Variants in NDUFAF2 observed in about 807,000 individuals in gnomAD.
NDUFAF2 encodes NADH:ubiquinone oxidoreductase complex assembly factor 2, also known as NADH dehydrogenase [ubiquinone] 1 alpha subcomplex assembly factor 2.
NDUFAF2 carries 13 observed loss-of-function variants against 22.8 expected under a neutral mutation model. That is an observed-to-expected ratio of 0.57 (90% confidence interval 0.37 to 0.91). The LOEUF is 0.91. Among genes scored for constraint, NDUFAF2 ranks in the 40% least tolerant of loss-of-function variants. The probability of loss-of-function intolerance (pLI) is 0.01; values close to 1 mark genes in which losing one functional copy is unlikely to be tolerated. For synonymous variants in NDUFAF2, 53 were observed against 64.2 expected, an observed-to-expected ratio of 0.83 and a Z score of 0.84; for missense variants, 162 against 195.2, an observed-to-expected ratio of 0.83 and a Z score of 1.01.
Position 61,075,510 on chromosome 5 carries a change from T to A in NDUFAF2, c.217+2296T>A, listed in dbSNP as rs77015713. Among the ~76,000 whole-genome samples, 1,330 of 152,214 alleles carry A rather than the reference T, an allele frequency of 8.7e-3. 22 individuals are homozygous for A. Among genetic ancestry groups the A allele is most frequent in the African/African-American group, 0.031 (1,275 of 41,532 alleles). On this transcript the variant is annotated intron_variant, in intron 2 of 3. Coordinates refer to ENST00000296597, the MANE Select transcript of NDUFAF2 (RefSeq NM_174889.5). Reference sequence around the variant, plus strand: ...AATGCGTGCACCTTCTTAGAATGAGTTTGTTTTTATCATTTTTTCCAATAA... The same window carrying A: ...AATGCGTGCACCTTCTTAGAATGAGATTGTTTTTATCATTTTTTCCAATAA...
rs70977822 is a variant in NDUFAF2, at chr5:61,049,886, TACACACAC to T, written c.128-23215_128-23208del. On this transcript the variant is annotated intron_variant, in intron 1 of 3. Coordinates refer to ENST00000296597, the MANE Select transcript of NDUFAF2 (RefSeq NM_174889.5). ...TACACAAATTATGCAATTTAAATTA[TACACACAC>T]ACACACACACACACACACACACAGT... is the stretch of plus-strand genomic sequence containing the variant. 1.3e-3 allele frequency among the ~76,000 whole-genome samples: 192 copies of T among 144,430 alleles called. 5 individuals carry two copies. Among genetic ancestry groups the T allele is most frequent in the Non-Finnish European group, 4.4e-4 (29 of 66,160 alleles). The allele number at this position is 144,430 out of a possible 152,430, so 94.8% of individuals were successfully genotyped here.
chr5:61,050,744 G>A (rs1752015037), intron 1 of NDUFAF2, among the ~76,000 whole-genome samples: 1 of 152,124 alleles, frequency 6.6e-6, no homozygotes, highest in South Asian at 2.1e-4. Flanking sequence ...GTAGTCAGCA[G>A]TAACACTAAT....
In NDUFAF2 at chr5:61,019,629, T is replaced by C. The variant is rs557420437; in HGVS notation, c.128-53496T>C. ...TAATGTAGCTAAAAAACCCTCCTGC[T>C]ATAAAATACCCCGTAGTGCTGGATA... On this transcript the variant is annotated intron_variant, in intron 1 of 3. Transcript: ENST00000296597. Among the ~76,000 whole-genome samples, 9 of 152,266 alleles carry C rather than the reference T, an allele frequency of 5.9e-5. No homozygotes were observed. The South Asian group carries it at 8.3e-4, about 14-fold the overall frequency.
At chr5:61,135,597 A>G (rs182168369) in intron 3 of NDUFAF2, among the ~76,000 whole-genome samples, 3 of 152,276 alleles carry the variant, frequency 2.0e-5, no homozygotes, top group African/African-American at 4.8e-5. Context: ...CAGGGGCCCT[A>G]TCCTCAGTTA....
intron 1 of NDUFAF2, among the ~76,000 whole-genome samples, chr5:61,049,884 T>TACACACACAC (rs1391006523): frequency 4.3e-5 from 3 of 69,400 alleles, no homozygotes; most frequent in South Asian, 5.3e-4. Flanking sequence ...CAATTTAAAT[T>TACACACACAC]ATACACACAC....
At chr5:60,985,404 C>T (rs895545238) in intron 1 of NDUFAF2, among the ~76,000 whole-genome samples, 2 of 152,052 alleles carry the variant, frequency 1.3e-5, no homozygotes, top group Non-Finnish European at 2.9e-5. Context: ...TTCAGTTCTG[C>T]TCTGATCTTA....
In NDUFAF2 at chr5:61,026,208, A is replaced by G. The variant is rs954272383; in HGVS notation, c.128-46917A>G. 8.5e-5 allele frequency among the ~76,000 whole-genome samples: 13 copies of G among 152,198 alleles called. No homozygotes were observed. The East Asian group carries it at 2.1e-3, about 25-fold the overall frequency. Reference sequence around the variant, plus strand: ...AAATTTGCAGCTGCTGATTGAATTTATATTTCCATAAAGGCCATCAACAGT... The same window carrying G: ...AAATTTGCAGCTGCTGATTGAATTTGTATTTCCATAAAGGCCATCAACAGT... On this transcript the variant is annotated intron_variant, in intron 1 of 3. Coordinates refer to ENST00000296597, the MANE Select transcript of NDUFAF2 (RefSeq NM_174889.5).
intron 1 of NDUFAF2, among the ~76,000 whole-genome samples, chr5:60,963,876 G>C (rs371898583): frequency 6.6e-6 from 1 of 152,158 alleles, no homozygotes; most frequent in East Asian, 1.9e-4. Flanking sequence ...GGTGATATTT[G>C]AACAAAGACT....
intron 1 of NDUFAF2, among the ~76,000 whole-genome samples, chr5:61,043,814 T>C (rs1027041152): frequency 6.6e-6 from 1 of 152,118 alleles, no homozygotes; most frequent in African/African-American, 2.4e-5. Flanking sequence ...GCAATAAACA[T>C]GAGAGTGCAG....
At chr5:61,112,219 C>CTT (rs56806779) in intron 3 of NDUFAF2, among the ~76,000 whole-genome samples, 1 of 132,142 alleles carries the variant, frequency 7.6e-6, no homozygotes, top group African/African-American at 2.7e-5. Context: ...ATCCCCCCCC[C>CTT]TTTTTTTTTT....
intron 3 of NDUFAF2, among the ~76,000 whole-genome samples, chr5:61,144,615 T>G (rs1437272422): frequency 6.6e-6 from 1 of 152,184 alleles, no homozygotes; most frequent in Non-Finnish European, 1.5e-5. Flanking sequence ...GGTGGATACC[T>G]GAGGTTGAAA....
intron 1 of NDUFAF2, among the ~76,000 whole-genome samples, chr5:61,016,885 T>C (rs56287212): frequency 0.017 from 2,580 of 152,294 alleles, 79 homozygotes; most frequent in African/African-American, 0.059. Flanking sequence ...GTATCTGGGA[T>C]ATCCAGCACC....
chr5:61,024,168 G>A (rs367649773), intron 1 of NDUFAF2, among the ~76,000 whole-genome samples: 15 of 152,098 alleles, frequency 9.9e-5, no homozygotes, highest in African/African-American at 3.6e-4. Flanking sequence ...TTTTAACATT[G>A]ATGTAATTTG....
intron 3 of NDUFAF2, among the ~76,000 whole-genome samples, chr5:61,102,652 A>C (rs542605760): frequency 9.9e-5 from 15 of 152,282 alleles, no homozygotes; most frequent in African/African-American, 3.6e-4. Context: ...CAGATTAATC[A>C]GATTTAATCA....
intron 2 of NDUFAF2, among the ~76,000 whole-genome samples, chr5:61,088,169 A>G (rs1248725564): frequency 6.6e-6 from 1 of 152,040 alleles, no homozygotes; most frequent in Non-Finnish European, 1.5e-5. Flanking sequence ...GTCACTGGCA[A>G]TTTCTTGCCA....
chr5:61,125,383 A>G (rs1753025030), intron 3 of NDUFAF2, among the ~76,000 whole-genome samples: 2 of 151,964 alleles, frequency 1.3e-5, no homozygotes, highest in South Asian at 4.1e-4. Flanking sequence ...TAGCATCTCT[A>G]GAAGAATACA....
intron 3 of NDUFAF2, among the ~76,000 whole-genome samples, chr5:61,134,759 C>T (rs980249404): frequency 4.6e-5 from 7 of 151,860 alleles, no homozygotes; most frequent in South Asian, 2.1e-4. Flanking sequence ...AACAAATAAA[C>T]GTGTTTATCA....
chr5:61,066,027 A>C (rs1466123953), intron 1 of NDUFAF2, among the ~76,000 whole-genome samples: 2 of 151,670 alleles, frequency 1.3e-5, no homozygotes, highest in Non-Finnish European at 3.0e-5. Flanking sequence ...ATTAGCATAC[A>C]AAAAAAATCA....
chr5:61,114,061 G>T (rs1342977485), intron 3 of NDUFAF2, among the ~76,000 whole-genome samples: 1 of 152,016 alleles, frequency 6.6e-6, no homozygotes, highest in Non-Finnish European at 1.5e-5. Flanking sequence ...CTTGAATATT[G>T]ATATCTTTCT....
Sources: allele counts gnomAD v4.1 joint callset (sites outside exome capture counted in the v4.1 genomes callset), GRCh38; gene constraint gnomAD v4.1.1; transcripts MANE v1.5; gene names NCBI Gene and HGNC (gene_info 2026-07-23, HGNC 2026-07-21).